PCP4: variants seen among roughly 807,000 people sequenced by gnomAD.
PCP4 encodes Purkinje cell protein 4.
Under a neutral mutation model 10.0 loss-of-function variants are expected in PCP4, and 8 were observed. That is an observed-to-expected ratio of 0.80 (90% CI 0.47 to 1.45). The LOEUF is 1.45. PCP4 is among the 40% of genes most tolerant of loss of function. The pLI, the probability that PCP4 is intolerant of heterozygous loss-of-function variation, is 0.00. For missense variants in PCP4, 54 were observed against 74.4 expected, an observed-to-expected ratio of 0.73 and a Z score of 1.01; for synonymous variants, 21 against 23.0, an observed-to-expected ratio of 0.91 and a Z score of 0.24.
intron 2 of PCP4, among the ~76,000 whole-genome samples, chr21:39,902,703 C>T (rs1423691696): frequency 6.6e-6 from 1 of 152,102 alleles, no homozygotes; most frequent in African/African-American, 2.4e-5. Flanking sequence ...TGTAGGAAGA[C>T]AGGTTTTTCA....
At chr21:39,927,073 C>CA (rs2087625111) in intron 2 of PCP4, among the ~76,000 whole-genome samples, 1 of 152,152 alleles carries the variant, frequency 6.6e-6, no homozygotes, top group African/African-American at 2.4e-5. Flanking sequence ...ACAAGGCTTC[C>CA]AAAGCCAGAG....
At chr21:39,878,091 C>T (rs183370174) in intron 1 of PCP4, among the ~76,000 whole-genome samples, 5 of 152,242 alleles carry the variant, frequency 3.3e-5, no homozygotes, top group East Asian at 3.9e-4. Flanking sequence ...ATCAATAAGA[C>T]GTGGTCCTTA....
chr21:39,869,297 G>A (rs1453699787), intron 1 of PCP4, among the ~76,000 whole-genome samples: 1 of 152,170 alleles, frequency 6.6e-6, no homozygotes, highest in Non-Finnish European at 1.5e-5. Context: ...CAACTGTGCG[G>A]GTCTCCAGGG....
chr21:39,895,301 T>C (rs2087451851), intron 1 of PCP4, among the ~76,000 whole-genome samples: 1 of 152,228 alleles, frequency 6.6e-6, no homozygotes, highest in South Asian at 2.1e-4. Context: ...TTATGTTATT[T>C]AAACATTAAC....
intron 2 of PCP4, among the ~76,000 whole-genome samples, chr21:39,917,832 A>T (rs550979483): frequency 6.6e-6 from 1 of 152,222 alleles, no homozygotes; most frequent in East Asian, 1.9e-4. Flanking sequence ...ATAACCTCAG[A>T]ATGTGATCTT....
intron 2 of PCP4, among the ~76,000 whole-genome samples, chr21:39,927,390 A>G (rs2087630262): frequency 7.1e-6 from 1 of 140,384 alleles, no homozygotes; most frequent in East Asian, 2.0e-4. Flanking sequence ...CTATCTATCT[A>G]TCATCATCTA....
intron 2 of PCP4, among the ~76,000 whole-genome samples, chr21:39,911,815 T>G (rs1398616908): frequency 6.6e-6 from 1 of 152,204 alleles, no homozygotes; most frequent in Admixed American, 6.5e-5. Context: ...CCAGACTTGT[T>G]TGTGGAAGAA....
intron 1 of PCP4, among the ~76,000 whole-genome samples, chr21:39,874,277 C>T (rs1568849021): frequency 6.6e-6 from 1 of 152,160 alleles, no homozygotes; most frequent in Non-Finnish European, 1.5e-5. Context: ...AAAACGTCTC[C>T]AGCCATACAC....
chr21:39,912,090 A>T (rs539069755), intron 2 of PCP4, among the ~76,000 whole-genome samples: 2 of 152,268 alleles, frequency 1.3e-5, no homozygotes, highest in South Asian at 4.1e-4. Context: ...TCTCTAATAG[A>T]CTGATGTTAG....
chr21:39,886,959 C>T (rs969992146), intron 1 of PCP4, among the ~76,000 whole-genome samples: 4 of 152,210 alleles, frequency 2.6e-5, no homozygotes, highest in African/African-American at 4.8e-5. Context: ...AATTTCACAA[C>T]GGCCATATCC....
intron 1 of PCP4, among the ~76,000 whole-genome samples, chr21:39,868,682 C>T (rs945894608): frequency 3.9e-5 from 6 of 152,180 alleles, no homozygotes; most frequent in Non-Finnish European, 1.5e-5. Context: ...CTCTCAACAA[C>T]TCCGTGCAGT....
intron 1 of PCP4, among the ~76,000 whole-genome samples, chr21:39,890,468 G>GC (rs1477095125): frequency 2.0e-5 from 3 of 151,772 alleles, no homozygotes; most frequent in Non-Finnish European, 4.4e-5. Context: ...CGATTCTCCT[G>GC]CCCCAGCCTC....
chr21:39,928,008 C>G (rs1223692845), intron 2 of PCP4, among the ~76,000 whole-genome samples: 1 of 152,090 alleles, frequency 6.6e-6, no homozygotes, highest in East Asian at 1.9e-4. Context: ...TGATGTTTAG[C>G]CTTCATCAGA....
chr21:39,889,010 G>T (rs1018074046), intron 1 of PCP4, among the ~76,000 whole-genome samples: 32 of 152,234 alleles, frequency 2.1e-4, no homozygotes, highest in Admixed American at 3.9e-4. Flanking sequence ...GTGAGAGGCT[G>T]ACAGCAAGAC....
At chr21:39,886,066 C>T (rs1211383366) in intron 1 of PCP4, among the ~76,000 whole-genome samples, 1 of 152,178 alleles carries the variant, frequency 6.6e-6, no homozygotes, top group East Asian at 1.9e-4. Context: ...TTAATAAGGA[C>T]ACAGTCCTAT....
intron 2 of PCP4, among the ~76,000 whole-genome samples, chr21:39,908,946 T>C (rs1232432781): frequency 6.6e-6 from 1 of 152,222 alleles, no homozygotes; most frequent in African/African-American, 2.4e-5. Context: ...CTTAAAAATA[T>C]GAGAAATGAC....
chr21:39,879,115 G>A (rs1170224784), intron 1 of PCP4, among the ~76,000 whole-genome samples: 2 of 151,698 alleles, frequency 1.3e-5, no homozygotes, highest in African/African-American at 4.8e-5. Context: ...TCAGCCTCCT[G>A]AGTAGCTGGG....
intron 2 of PCP4, among the ~76,000 whole-genome samples, chr21:39,905,990 C>T (rs975008721): frequency 4.6e-5 from 7 of 152,330 alleles, no homozygotes; most frequent in Middle Eastern, 6.8e-3. Context: ...GCAGAGCTTG[C>T]AGTGAGCCGA....
At chr21:39,895,624 C>T (rs1199553286) in intron 1 of PCP4, among the ~76,000 whole-genome samples, 2 of 152,250 alleles carry the variant, frequency 1.3e-5, no homozygotes, top group South Asian at 4.1e-4. Context: ...CTCTCTGTGC[C>T]TCAGGATATA....
Sources: allele counts gnomAD v4.1 joint callset (sites outside exome capture counted in the v4.1 genomes callset), GRCh38; gene constraint gnomAD v4.1.1; transcripts MANE v1.5; gene names NCBI Gene and HGNC (gene_info 2026-07-23, HGNC 2026-07-21).